Variants in MYCBP2 observed in about 807,000 individuals in gnomAD.
The protein encoded by MYCBP2 is MYC binding protein 2, also known as E3 ubiquitin-protein ligase MYCBP2.
A neutral mutation model predicts 525.3 loss-of-function variants in MYCBP2; 120 were observed. The ratio of observed to expected loss-of-function variants is 0.23; its 90% CI spans 0.20 to 0.27. The LOEUF is 0.27. Ranked by LOEUF, MYCBP2 falls within the 10% of genes least tolerant of loss-of-function variation. The probability of loss-of-function intolerance (pLI) is 1.00; values close to 1 mark genes in which losing one functional copy is unlikely to be tolerated. For missense variants in MYCBP2, 4,149 were observed against 5,657.1 expected (o/e 0.73, Z 8.55); for synonymous variants, 1,894 against 1,955.8 (o/e 0.97, Z 0.83).
chr13:77,171,469 T>C (rs1346108890), intron 38 of MYCBP2, 23 bp downstream of exon 38: 14 of 1,605,296 alleles, frequency 8.7e-6, no homozygotes, highest in Middle Eastern at 1.7e-4. Flanking sequence ...AAAATATGAC[T>C]ACTGAGAAAG....
At chr13:77,187,787 C>A (rs955865874) in intron 30 of MYCBP2, among the ~76,000 whole-genome samples, 3 of 151,960 alleles carry the variant, frequency 2.0e-5, no homozygotes, top group Non-Finnish European at 4.4e-5. Flanking sequence ...TGGCTCACAC[C>A]TGTAATCCCA....
At chr13:77,093,085 T>C (rs1418432080) in intron 59 of MYCBP2, 80 bp downstream of exon 59, 2 of 1,367,962 alleles carry the variant, frequency 1.5e-6, no homozygotes, top group African/African-American at 3.0e-5. Flanking sequence ...TTAAAGAACT[T>C]CTACAGGACT....
intron 62 of MYCBP2, among the ~76,000 whole-genome samples, chr13:77,084,815 T>C (rs2043942373): frequency 6.6e-6 from 1 of 152,066 alleles, no homozygotes; most frequent in Admixed American, 6.6e-5. Context: ...CCTAGGGATA[T>C]TTTTATGCAA....
chr13:77,179,467 C>T (rs1323209134), intron 34 of MYCBP2, among the ~76,000 whole-genome samples: 1 of 152,130 alleles, frequency 6.6e-6, no homozygotes, highest in Non-Finnish European at 1.5e-5. Flanking sequence ...AATAATGTTA[C>T]TTTACAAAAT....
chr13:77,267,832 G>A lies in MYCBP2; in HGVS notation c.1357+9C>T, dbSNP rs1043600500. 5.0e-6 allele frequency: 8 copies of A among 1,605,216 alleles called. No individual in the cohort carries two copies. In the East Asian group the frequency reaches 1.6e-4, roughly 31 times the overall value. On this transcript the variant is annotated intron_variant, in intron 8 of 82. Transcript: ENST00000544440. ...GCTTGTGGAGAAAAAATGACTACTT[G>A]AAACATACCTGGTAACATCACAGTA...
chr13:77,310,786 GCA>G (rs147886448), intron 1 of MYCBP2, among the ~76,000 whole-genome samples: 2 of 150,276 alleles, frequency 1.3e-5, no homozygotes, highest in African/African-American at 2.4e-5. Context: ...GCGTGCGCAT[GCA>G]CACACACACA....
chr13:77,326,856 C>A lies in MYCBP2; in HGVS notation c.-81G>T. On this transcript the variant is annotated 5_prime_UTR_variant, in exon 1 of 83. Coordinates refer to ENST00000544440, the MANE Select transcript of MYCBP2 (RefSeq NM_015057.5). This position sits in a 1 kb window ranked among gnomAD's most constrained non-coding sequence, Gnocchi z 4.2. ...ACGCGCGCGCACACACAGCCCTTTT[C>A]CAACGACGACGGCTCCGGCGGCGGC... 7.7e-7 allele frequency: 1 copy of A among 1,298,294 alleles called. No individual in the cohort carries two copies. The highest frequency in any genetic ancestry group is 9.8e-7 in the Non-Finnish European group (1 of 1,017,688). 80.4% of individuals were successfully genotyped at this position (1,298,294 alleles called of 1,614,324 possible). A position where few individuals can be genotyped will look rare whatever the true frequency, so the allele number is the denominator to read the frequency against.
Position 77,093,290 on chromosome 13 carries a change from T to G in MYCBP2, c.10242A>C (p.Leu3414=). The part of the protein sequence containing the change: ...ENFVGYQDDN[L]FQDEMRYLRS... ...GTAGATATCTCATTTCATCCTGGAATAGATTGTCATCTTGATAGCCCACAA... is the reference window on the plus strand; with the variant it reads ...GTAGATATCTCATTTCATCCTGGAAGAGATTGTCATCTTGATAGCCCACAA... The change falls in exon 59 of 83, where the codon CTA becomes CTC. Residue 3414 remains leucine (L), a synonymous_variant. Transcript: ENST00000544440. 6.2e-7 allele frequency: 1 copy of G among 1,613,454 alleles called. No individual in the cohort carries two copies. Among genetic ancestry groups the G allele is most frequent in the Non-Finnish European group, 8.5e-7 (1 of 1,179,584 alleles).
chr13:77,166,178 T>G (rs554178226), intron 41 of MYCBP2, 151 bp downstream of exon 41: 1 of 615,336 alleles, frequency 1.6e-6, no homozygotes, highest in Non-Finnish European at 2.8e-6. Flanking sequence ...CCAGGGTACC[T>G]TATTTATTCC....
chr13:77,139,372 C>T (rs2054237023), intron 51 of MYCBP2, 36 bp from the exon 52 acceptor site: 3 of 1,596,958 alleles, frequency 1.9e-6, no homozygotes, highest in African/African-American at 1.3e-5. Context: ...GCCAGGCCTT[C>T]CTGTAAGTCC....
chr13:77,143,540 G>A (rs2055020700), intron 49 of MYCBP2, among the ~76,000 whole-genome samples: 1 of 152,112 alleles, frequency 6.6e-6, no homozygotes, highest in African/African-American at 2.4e-5. Context: ...TGGTTCTGAG[G>A]CTACCTGCAT....
At chr13:77,199,078 C>A (rs2062104264) in intron 26 of MYCBP2, among the ~76,000 whole-genome samples, 1 of 152,138 alleles carries the variant, frequency 6.6e-6, no homozygotes, top group Non-Finnish European at 1.5e-5. Flanking sequence ...CTACAGCTCC[C>A]AGCGTGAGCA....
intron 1 of MYCBP2, among the ~76,000 whole-genome samples, chr13:77,316,952 G>GTT (rs35370785): frequency 5.6e-4 from 84 of 148,690 alleles, no homozygotes; most frequent in Admixed American, 6.7e-4. Flanking sequence ...TTTTTTTGTT[G>GTT]TTTTTTTTTT....
intron 81 of MYCBP2, 116 bp downstream of exon 81, chr13:77,051,695 A>C: frequency 1.5e-6 from 1 of 672,972 alleles, no homozygotes; most frequent in Non-Finnish European, 2.5e-6. Flanking sequence ...CACTGAACAA[A>C]TATCAGAAAA....
intron 1 of MYCBP2, among the ~76,000 whole-genome samples, chr13:77,318,733 G>T (rs549551415): frequency 1.3e-5 from 2 of 152,302 alleles, no homozygotes; most frequent in African/African-American, 4.8e-5. Context: ...TGGCCTGGGT[G>T]ACAGAGCGAG....
intron 18 of MYCBP2, among the ~76,000 whole-genome samples, chr13:77,227,317 C>G (rs1042104365): frequency 7.3e-6 from 1 of 137,330 alleles, no homozygotes; most frequent in African/African-American, 2.7e-5. Context: ...GTGGGTTTGC[C>G]AAATTAAATC....
chr13:77,150,134 T>A (rs533753460), intron 47 of MYCBP2, among the ~76,000 whole-genome samples: 1 of 152,294 alleles, frequency 6.6e-6, no homozygotes, highest in East Asian at 1.9e-4. Flanking sequence ...ATATATTTTT[T>A]AAATGTCTAA....
chr13:77,265,211 G>C (rs776229741), intron 8 of MYCBP2, among the ~76,000 whole-genome samples: 2 of 152,084 alleles, frequency 1.3e-5, no homozygotes, highest in Non-Finnish European at 2.9e-5. Context: ...GGTAATCAAA[G>C]AGAGGAGAAA....
intron 62 of MYCBP2, among the ~76,000 whole-genome samples, chr13:77,085,571 T>C (rs2044107710): frequency 6.6e-6 from 1 of 152,190 alleles, no homozygotes; most frequent in African/African-American, 2.4e-5. Context: ...CATCAACAGG[T>C]GGAGTTTATT....
Sources: allele counts gnomAD v4.1 joint callset (sites outside exome capture counted in the v4.1 genomes callset), GRCh38; gene constraint gnomAD v4.1.1; non-coding constraint Gnocchi (gnomAD v3.1); transcripts MANE v1.5; gene names NCBI Gene and HGNC (gene_info 2026-07-23, HGNC 2026-07-21).